Variants in CLSTN3 observed in about 807,000 individuals in gnomAD.
CLSTN3 encodes calsyntenin 3.
In CLSTN3, 36 loss-of-function variants were observed where a neutral mutation model predicts 95.9. The observed-to-expected ratio is 0.38, with a 90% CI of 0.29 to 0.50. The LOEUF (loss-of-function observed/expected upper bound fraction) is 0.50, where lower values mean the gene tolerates loss of function less well. CLSTN3 is among the 20% of genes least tolerant of loss of function. CLSTN3 has a pLI of 0.95. For missense variants in CLSTN3, 1,084 were observed against 1,268.8 expected, an observed-to-expected ratio of 0.85 and a Z score of 2.21; for synonymous variants, 481 against 504.0, an observed-to-expected ratio of 0.95 and a Z score of 0.61.
At chr12:7,130,260 A>T, upstream of CLSTN3, 1 of 520,602 alleles carries the variant, frequency 1.9e-6, no homozygotes, top group Non-Finnish European at 2.8e-6. Flanking sequence ...TCCAGCCCCG[A>T]CGCCCCAGTC....
rs1034834399 is a variant in CLSTN3 at position 7,136,044 on chromosome 12, A to G, written c.742+91A>G. On this transcript the variant is annotated intron_variant, in intron 5 of 17. Coordinates refer to ENST00000266546, the MANE Select transcript of CLSTN3 (RefSeq NM_014718.4). ...TTCTGACAATCATGGGGGCCAGGCTAGGGCTTGGATGATATTGGGGCAGGC... is the reference window on the plus strand; with the variant it reads ...TTCTGACAATCATGGGGGCCAGGCTGGGGCTTGGATGATATTGGGGCAGGC... 22 of 1,525,070 alleles carry G rather than the reference A, an allele frequency of 1.4e-5. No homozygotes were observed. The African/African-American group carries it at 3.0e-4, about 21-fold the overall frequency. The allele number at this position is 1,525,070 out of a possible 1,614,324, so 94.5% of individuals were successfully genotyped here. A position where few individuals can be genotyped will look rare whatever the true frequency, so the allele number is the denominator to read the frequency against.
Position 7,156,360 on chromosome 12 carries a change from C to A in CLSTN3, c.2528-1129C>A, listed in dbSNP as rs749455427. On this transcript the variant is annotated intron_variant, in intron 16 of 17. Coordinates refer to ENST00000266546, the MANE Select transcript of CLSTN3 (RefSeq NM_014718.4). ...GAGCTGTGTGTGTGTGTGCAGGAGGCAGGCAGGGCTGTGCTCATGGCGGCT... is the reference window on the plus strand; with the variant it reads ...GAGCTGTGTGTGTGTGTGCAGGAGGAAGGCAGGGCTGTGCTCATGGCGGCT... 22 of 456,776 alleles carry A rather than the reference C, an allele frequency of 4.8e-5. No homozygotes were observed. In the East Asian group the frequency reaches 8.3e-4, roughly 17 times the overall value. The allele number at this position is 456,776 out of a possible 1,614,324, so 28.3% of individuals were successfully genotyped here.
chr12:7,146,848 C>T (rs1939628853), intron 12 of CLSTN3, among the ~76,000 whole-genome samples: 1 of 152,166 alleles, frequency 6.6e-6, no homozygotes, highest in Non-Finnish European at 1.5e-5. Context: ...GAGCCTGTGC[C>T]TTCAGGGTCA....
chr12:7,138,109 G>T, intron 8 of CLSTN3, 42 bp downstream of exon 8: 1 of 1,492,120 alleles, frequency 6.7e-7, no homozygotes, highest in East Asian at 2.3e-5. Flanking sequence ...GAGTAGATGT[G>T]ACTCACTTTT....
At position 7,157,465 on chromosome 12, in the gene CLSTN3, C is replaced by A. The variant is rs1238062594; in HGVS notation, c.2528-24C>A. The A allele has an allele frequency of 1.3e-6, 2 of 1,537,344 alleles. No homozygotes were observed. Among genetic ancestry groups the A allele is most frequent in the South Asian group, 1.3e-5 (1 of 79,590 alleles). On this transcript the variant is annotated intron_variant, in intron 16 of 17. Transcript: ENST00000266546. This position sits in a 1 kb window ranked among gnomAD's most constrained non-coding sequence, Gnocchi z 5.9. ...CCCAGGTGTGCCTAGTCACGCTCTG[C>A]TCACCCCCGCGCTCTCTCTGCAGTG...
Position 7,141,973 on chromosome 12 carries a change from T to C in CLSTN3, c.1487-113T>C. 1 of 786,862 alleles carries C rather than the reference T, an allele frequency of 1.3e-6. No homozygotes were observed. The highest frequency in any genetic ancestry group is 2.7e-5 in the East Asian group (1 of 36,864). The allele number at this position is 786,862 out of a possible 1,614,324, so 48.7% of individuals were successfully genotyped here. On this transcript the variant is annotated intron_variant, in intron 9 of 17. Coordinates refer to ENST00000266546, the MANE Select transcript of CLSTN3 (RefSeq NM_014718.4). The surrounding 1 kb of genome is among the most constrained non-coding windows in gnomAD (Gnocchi z 4.1). ...ATACATGGGCAGGGTCAGAATCCCA[T>C]GTGGGCATGAGAGCACTCATGGGGA...
In CLSTN3 at chr12:7,141,127, AG is replaced by A; in HGVS notation, c.1324-114del. On this transcript the variant is annotated intron_variant, in intron 8 of 17. Transcript: ENST00000266546. The surrounding 1 kb of genome is among the most constrained non-coding windows in gnomAD (Gnocchi z 4.1). ...CAAAGCACTAGTAAGCCCTGTTGGTAGAACTGGGAATAAAGGGACTGTCCCC... is the reference window on the plus strand; with the variant it reads ...CAAAGCACTAGTAAGCCCTGTTGGTAAACTGGGAATAAAGGGACTGTCCCC... 1 of 1,142,704 alleles carries A rather than the reference AG, an allele frequency of 8.8e-7. No homozygotes were observed. Among genetic ancestry groups the A allele is most frequent in the Non-Finnish European group, 1.3e-6 (1 of 798,506 alleles). The allele number at this position is 1,142,704 out of a possible 1,614,324, so 70.8% of individuals were successfully genotyped here. A position where few individuals can be genotyped will look rare whatever the true frequency, so the allele number is the denominator to read the frequency against.
chr12:7,149,709 G>A lies in CLSTN3; in HGVS notation c.2245+16G>A, dbSNP rs1203432402. On this transcript the variant is annotated intron_variant, in intron 14 of 17. Coordinates refer to ENST00000266546, the MANE Select transcript of CLSTN3 (RefSeq NM_014718.4). This position sits in a 1 kb window ranked among gnomAD's most constrained non-coding sequence, Gnocchi z 4.5. ...ACTATTGCTGGTCAGTGGGGCCTGA[G>A]GGCCTGTCCTCTGTGTGTGTGTGCC... is the stretch of plus-strand genomic sequence containing the variant. The A allele has an allele frequency of 6.2e-7, 1 of 1,607,958 alleles. No individual in the cohort carries two copies. Among genetic ancestry groups the A allele is most frequent in the Admixed American group, 1.7e-5 (1 of 59,766 alleles).
intron 16 of CLSTN3, among the ~76,000 whole-genome samples, chr12:7,151,634 T>G (rs907379843): frequency 6.6e-6 from 1 of 152,260 alleles, no homozygotes; most frequent in Non-Finnish European, 1.5e-5. Flanking sequence ...AAGCTGCCCT[T>G]CAAAGCAACC....
chr12:7,152,634 T>A (rs1371532259), intron 16 of CLSTN3, among the ~76,000 whole-genome samples: 1 of 152,202 alleles, frequency 6.6e-6, no homozygotes, highest in African/African-American at 2.4e-5. Flanking sequence ...TATTTCAATA[T>A]ATGTGATGGG....
At chr12:7,138,105 A>G in intron 8 of CLSTN3, 38 bp downstream of exon 8, 1 of 1,504,108 alleles carries the variant, frequency 6.6e-7, no homozygotes, top group Non-Finnish European at 9.2e-7. Flanking sequence ...GGCTGAGTAG[A>G]TGTGACTCAC....
chr12:7,137,366 A>G lies in CLSTN3; in HGVS notation c.1210+256A>G. The G allele has an allele frequency of 2.0e-6, 1 of 489,946 alleles. No individual in the cohort carries two copies. The highest frequency in any genetic ancestry group is 2.4e-5 in the South Asian group (1 of 42,188). 30.3% of individuals were successfully genotyped at this position (489,946 alleles called of 1,614,324 possible). ...TGCCCAGTCAACTTCTCTGTGTCCCACCATGTGGTAGGCTGTCCCCACCCC... is the reference window on the plus strand; with the variant it reads ...TGCCCAGTCAACTTCTCTGTGTCCCGCCATGTGGTAGGCTGTCCCCACCCC... On this transcript the variant is annotated intron_variant, in intron 7 of 17. Coordinates refer to ENST00000266546, the MANE Select transcript of CLSTN3 (RefSeq NM_014718.4). This position sits in a 1 kb window ranked among gnomAD's most constrained non-coding sequence, Gnocchi z 4.4.
chr12:7,145,195 C>A (rs1939603565), intron 12 of CLSTN3, among the ~76,000 whole-genome samples: 1 of 152,128 alleles, frequency 6.6e-6, no homozygotes, highest in African/African-American at 2.4e-5. Flanking sequence ...GAGGTTTATC[C>A]AAGGGCTTGG....
At chr12:7,147,365 C>T (rs1178001826) in intron 12 of CLSTN3, among the ~76,000 whole-genome samples, 3 of 118,306 alleles carry the variant, frequency 2.5e-5, no homozygotes, top group African/African-American at 1.0e-4. Context: ...CACTACTGCA[C>T]TGCAGCCTGG....
At chr12:7,129,922 C>A (rs1040519571), upstream of CLSTN3, 9 of 549,464 alleles carry the variant, frequency 1.6e-5, no homozygotes, top group Non-Finnish European at 2.1e-5. This position sits in a 1 kb window ranked among gnomAD's most constrained non-coding sequence, Gnocchi z 5.5. Context: ...CCTCGCAGCC[C>A]TGGGCTACAA....
Position 7,133,701 on chromosome 12 carries a change from A to G in CLSTN3, c.316A>G (p.Thr106Ala). 1.9e-6 allele frequency: 3 copies of G among 1,613,754 alleles called. No individual in the cohort carries two copies. The highest frequency in any genetic ancestry group is 2.5e-6 in the Non-Finnish European group (3 of 1,179,860). Residue 106 changes from threonine to alanine, a missense_variant, in exon 3 of 18, where the codon ACC becomes GCC. By Grantham distance (58) the Thr-to-Ala change is moderately conservative. Coordinates refer to ENST00000266546, the MANE Select transcript of CLSTN3 (RefSeq NM_014718.4). This position sits in a 1 kb window ranked among gnomAD's most constrained non-coding sequence, Gnocchi z 4.7. ...PVDCEAQKEH[T>A]FTIQAYDCGE... is the part of the protein sequence containing the mutation. The stretch of plus-strand genomic sequence containing the variant: ...GGACTGCGAGGCCCAGAAGGAACAC[A>G]CCTTCACCATCCAGGCCTATGACTG...
At chr12:7,135,020 C>G (rs902850717) in intron 3 of CLSTN3, among the ~76,000 whole-genome samples, 1 of 152,098 alleles carries the variant, frequency 6.6e-6, no homozygotes, top group Non-Finnish European at 1.5e-5. Context: ...TGTTCTGGCT[C>G]TCCGTCGGGA....
chr12:7,131,665 A>G, intron 1 of CLSTN3: 1 of 415,958 alleles, frequency 2.4e-6, no homozygotes, highest in South Asian at 1.7e-5. Context: ...GCAGGGTGGG[A>G]GGGGGAGCTG....
At chr12:7,129,698 A>T (rs771382833), upstream of CLSTN3, 2 of 985,470 alleles carry the variant, frequency 2.0e-6, no homozygotes, top group East Asian at 2.3e-4. The surrounding 1 kb of genome is among the most constrained non-coding windows in gnomAD (Gnocchi z 5.5). Flanking sequence ...CCAGCTGCCC[A>T]ATTCTCTCTC....
Sources: gnomAD v4.1 joint callset for allele counts (sites outside exome capture counted in the v4.1 genomes callset) on GRCh38, gnomAD v4.1.1 for gene constraint, Gnocchi (gnomAD v3.1) non-coding constraint, MANE v1.5 for transcripts, NCBI Gene and HGNC (gene_info 2026-07-23, HGNC 2026-07-21) for gene names.